The following DCC variants were observed in gnomAD, a reference collection of about 807,000 sequenced individuals.
The protein encoded by DCC is DCC netrin 1 receptor, also known as netrin receptor DCC.
Under a neutral mutation model 172.5 loss-of-function variants are expected in DCC, and 58 were observed. The observed-to-expected ratio is 0.34, with a 90% confidence interval of 0.27 to 0.42. The LOEUF is 0.42. DCC is among the 10% of genes least tolerant of loss of function. The pLI, the probability that DCC is intolerant of heterozygous loss-of-function variation, is 1.00. For missense variants in DCC, 1,740 were observed against 1,791.0 expected (o/e 0.97, Z 0.51); for synonymous variants, 709 against 644.5 (o/e 1.10, Z -1.52).
chr18:52,846,308 G>A (rs139677839), intron 2 of DCC, among the ~76,000 whole-genome samples: 90 of 152,244 alleles, frequency 5.9e-4, no homozygotes, highest in African/African-American at 2.0e-3. Flanking sequence ...TTGGGAAGCT[G>A]ACGCAGGCAG....
chr18:53,215,258 C>T (rs2055828461), intron 11 of DCC, among the ~76,000 whole-genome samples: 1 of 151,902 alleles, frequency 6.6e-6, no homozygotes, highest in South Asian at 2.1e-4. Context: ...CACAAGAGGG[C>T]TGTAATTAAA....
At chr18:52,685,332 C>G (rs2035813978) in intron 1 of DCC, among the ~76,000 whole-genome samples, 1 of 152,024 alleles carries the variant, frequency 6.6e-6, no homozygotes, top group South Asian at 2.1e-4. Context: ...GATCATTTCT[C>G]TTTAAAGGAC....
intron 1 of DCC, among the ~76,000 whole-genome samples, chr18:52,749,422 T>C (rs2036961882): frequency 6.6e-6 from 1 of 152,146 alleles, no homozygotes; most frequent in African/African-American, 2.4e-5. Flanking sequence ...AGCTGAAACT[T>C]AGAAAAGGAG....
chr18:53,459,473 A>G lies in DCC; in HGVS notation c.3619+15A>G, dbSNP rs2045524944. ...CTCTCATTCAGGTAATTATCTTTTC[A>G]CTGGCATTAGGGAAAACATACCATT... On this transcript the variant is annotated intron_variant, in intron 24 of 28. Transcript: ENST00000442544. 1 of 1,516,444 alleles carries G rather than the reference A, an allele frequency of 6.6e-7. No homozygotes were observed. Among genetic ancestry groups the G allele is most frequent in the Non-Finnish European group, 9.2e-7 (1 of 1,092,524 alleles). 93.9% of individuals were successfully genotyped at this position (1,516,444 alleles called of 1,614,324 possible).
At chr18:52,799,007 C>T (rs1020667057) in intron 2 of DCC, among the ~76,000 whole-genome samples, 1 of 152,152 alleles carries the variant, frequency 6.6e-6, no homozygotes, top group Admixed American at 6.5e-5. Context: ...CCTCAGCCTC[C>T]CAAAATGCTG....
rs961364636 is a variant in DCC, at chr18:53,158,124, A to G, written c.1418+612A>G. Among the ~76,000 whole-genome samples, 9 of 131,320 alleles carry G rather than the reference A, an allele frequency of 6.9e-5. No individual in the cohort carries two copies. The Admixed American group carries it at 8.1e-4, about 12-fold the overall frequency. 86.2% of individuals were successfully genotyped at this position (131,320 alleles called of 152,430 possible). On this transcript the variant is annotated intron_variant, in intron 8 of 28. Transcript: ENST00000442544. ...ATCTATTATGTCCCCACGAAAATTAAAAGTTTTTTAAAAACAAAAAAAAAT... is the reference window on the plus strand; with the variant it reads ...ATCTATTATGTCCCCACGAAAATTAGAAGTTTTTTAAAAACAAAAAAAAAT...
chr18:53,477,159 C>T lies in DCC; in HGVS notation c.3736+9149C>T, dbSNP rs529373047. On this transcript the variant is annotated intron_variant, in intron 25 of 28. Coordinates refer to ENST00000442544, the MANE Select transcript of DCC (RefSeq NM_005215.4). The stretch of plus-strand genomic sequence containing the variant: ...GAGTATATGGAACTACAGACATAAG[C>T]CAACATGCCCAGCTAGTTTTTGTAT... Among the ~76,000 whole-genome samples the T allele has an allele frequency of 1.3e-4, 20 of 152,234 alleles. No homozygotes were observed. In the South Asian group the frequency reaches 4.2e-3, roughly 32 times the overall value.
intron 1 of DCC, among the ~76,000 whole-genome samples, chr18:52,748,873 C>T (rs1029579381): frequency 1.4e-4 from 21 of 152,118 alleles, no homozygotes; most frequent in African/African-American, 5.1e-4. Flanking sequence ...TGTAGGTAGC[C>T]ATGGAAAAGG....
chr18:52,492,400 G>T (rs955477250), intron 1 of DCC, among the ~76,000 whole-genome samples: 2 of 151,926 alleles, frequency 1.3e-5, no homozygotes, highest in Non-Finnish European at 2.9e-5. Context: ...GGAGAGATAA[G>T]ATCACTAAAG....
At chr18:52,364,432 AAAT>A (rs1290841407) in intron 1 of DCC, among the ~76,000 whole-genome samples, 5 of 152,244 alleles carry the variant, frequency 3.3e-5, no homozygotes, top group Non-Finnish European at 7.3e-5. Flanking sequence ...TCTTAATAGT[AAAT>A]AAATTATATT....
chr18:52,616,574 A>G (rs556087858), intron 1 of DCC, among the ~76,000 whole-genome samples: 2 of 152,152 alleles, frequency 1.3e-5, no homozygotes, highest in Non-Finnish European at 2.9e-5. Flanking sequence ...AGGGGAAAAA[A>G]GACTGATAAC....
chr18:53,111,445 TAAAAA>T (rs34772861), intron 7 of DCC, among the ~76,000 whole-genome samples: 2 of 140,772 alleles, frequency 1.4e-5, no homozygotes, highest in African/African-American at 2.6e-5. Context: ...AAAGAAAGAT[TAAAAA>T]AAAAAAAGAG....
chr18:53,401,709 T>C (rs1438097751), intron 18 of DCC, among the ~76,000 whole-genome samples: 1 of 152,148 alleles, frequency 6.6e-6, no homozygotes, highest in Non-Finnish European at 1.5e-5. Flanking sequence ...ACGTTCTGAA[T>C]CTGCCTTTGT....
chr18:52,825,722 T>C (rs1011288659), intron 2 of DCC, among the ~76,000 whole-genome samples: 1 of 152,192 alleles, frequency 6.6e-6, no homozygotes, highest in Non-Finnish European at 1.5e-5. Flanking sequence ...AAGAACATTA[T>C]GAACAAGCCT....
chr18:53,174,449 A>G (rs1196143249), intron 8 of DCC, among the ~76,000 whole-genome samples: 1 of 150,248 alleles, frequency 6.7e-6, no homozygotes, highest in Non-Finnish European at 1.5e-5. Flanking sequence ...AAAGAAAAAA[A>G]GAGAGAAGAA....
intron 1 of DCC, among the ~76,000 whole-genome samples, chr18:52,718,411 G>C (rs867824254): frequency 6.6e-6 from 1 of 152,136 alleles, no homozygotes; most frequent in Non-Finnish European, 1.5e-5. Context: ...ACAGGGCAAG[G>C]TTTTGTCTGC....
intron 5 of DCC, among the ~76,000 whole-genome samples, chr18:52,993,987 A>G (rs959671929): frequency 2.6e-5 from 4 of 152,118 alleles, no homozygotes; most frequent in African/African-American, 9.7e-5. Flanking sequence ...ACCTTCTTAT[A>G]GGTATAGCTA....
intron 2 of DCC, among the ~76,000 whole-genome samples, chr18:52,753,898 C>CT (rs199942761): frequency 2.8e-3 from 419 of 151,482 alleles, no homozygotes; most frequent in East Asian, 0.021. Context: ...CAAAACCTGT[C>CT]TTTTTTTTTA....
At chr18:53,279,885 T>C (rs898060025) in intron 12 of DCC, among the ~76,000 whole-genome samples, 4 of 151,900 alleles carry the variant, frequency 2.6e-5, no homozygotes, top group African/African-American at 9.7e-5. Context: ...GAGGTAAACA[T>C]TGAGTGCACA....
Sources: gnomAD v4.1 joint callset for allele counts (sites outside exome capture counted in the v4.1 genomes callset) on GRCh38, gnomAD v4.1.1 for gene constraint, MANE v1.5 for transcripts, NCBI Gene and HGNC (gene_info 2026-07-23, HGNC 2026-07-21) for gene names.